CCDC62: variants seen among roughly 807,000 people sequenced by gnomAD.
CCDC62 encodes the protein coiled-coil domain-containing protein 62.
Under a neutral mutation model 80.8 loss-of-function variants are expected in CCDC62, and 72 were observed. The ratio of observed to expected loss-of-function variants is 0.89; its 90% CI spans 0.74 to 1.08. The LOEUF (loss-of-function observed/expected upper bound fraction) is 1.08. Among genes scored for constraint, CCDC62 ranks in the 50% least tolerant of loss-of-function variants. The pLI is 0.00. For synonymous variants in CCDC62, 286 were observed against 296.5 expected (o/e 0.96, Z 0.36); for missense variants, 704 against 809.4 (o/e 0.87, Z 1.58).
At chr12:122,822,638 ATC>A (rs2032461063) in intron 11 of CCDC62, among the ~76,000 whole-genome samples, 1 of 119,034 alleles carries the variant, frequency 8.4e-6, no homozygotes, top group African/African-American at 3.8e-5. Flanking sequence ...CAGTGGTGCG[ATC>A]TTGGCTCACT....
At chr12:122,789,298 G>A (rs1467952842) in intron 5 of CCDC62, among the ~76,000 whole-genome samples, 3 of 152,194 alleles carry the variant, frequency 2.0e-5, no homozygotes, top group Admixed American at 1.3e-4. Context: ...GCTGACTGTG[G>A]TTGGGCCTCA....
intron 9 of CCDC62, among the ~76,000 whole-genome samples, chr12:122,803,887 A>T (rs1381172194): frequency 6.6e-6 from 1 of 152,180 alleles, no homozygotes; most frequent in Non-Finnish European, 1.5e-5. Context: ...AATTTAACGT[A>T]TGAAATAAGT....
At chr12:122,812,652 G>A (rs2031946481) in intron 10 of CCDC62, among the ~76,000 whole-genome samples, 1 of 93,348 alleles carries the variant, frequency 1.1e-5, no homozygotes, top group African/African-American at 3.4e-5. Context: ...GCTGAGGTGG[G>A]TGGAGCTTGA....
At chr12:122,783,259 G>A (rs1168049833) in intron 3 of CCDC62, among the ~76,000 whole-genome samples, 17 of 138,162 alleles carry the variant, frequency 1.2e-4, no homozygotes, top group South Asian at 2.3e-4. Flanking sequence ...ACGGAGTCTC[G>A]TTCTGTCGCC....
At chr12:122,805,587 T>A (rs937230230) in intron 9 of CCDC62, among the ~76,000 whole-genome samples, 1 of 138,088 alleles carries the variant, frequency 7.2e-6, no homozygotes, top group African/African-American at 2.7e-5. Context: ...CGATCTCAGC[T>A]CCCTGCAAGC....
At chr12:122,823,031 G>C (rs1291425297) in intron 11 of CCDC62, among the ~76,000 whole-genome samples, 1 of 152,092 alleles carries the variant, frequency 6.6e-6, no homozygotes, top group Non-Finnish European at 1.5e-5. Context: ...CGTGATCTTG[G>C]CTTACTGCAA....
chr12:122,812,815 G>GA (rs1345342275), intron 10 of CCDC62, among the ~76,000 whole-genome samples: 2 of 148,582 alleles, frequency 1.3e-5, no homozygotes, highest in East Asian at 2.0e-4. Context: ...AAGAAAGAAA[G>GA]AAAGAAAGAA....
At chr12:122,816,746 G>A (rs1032583200) in intron 11 of CCDC62, among the ~76,000 whole-genome samples, 11 of 151,968 alleles carry the variant, frequency 7.2e-5, no homozygotes, top group Non-Finnish European at 1.3e-4. Flanking sequence ...AAGAGAGACA[G>A]AATTCACATT....
At position 122,806,267 on chromosome 12, in the gene CCDC62, A is replaced by G. The variant is rs1182759390; in HGVS notation, c.1823A>G (p.Tyr608Cys). Residue 608 changes from tyrosine to cysteine, a missense_variant, in exon 10 of 13, where the codon TAC becomes TGC. Physicochemically the swap from Tyr to Cys is radical, Grantham distance 194. Transcript: ENST00000253079. ...KKNSPTSLLI[Y>C]KDAPAFNEKA... ...AACTCACCTACGAGTTTGTTAATCT[A>G]CAAAGATGCACCAGCATTCAATGAA... 7 of 1,612,404 alleles carry G rather than the reference A, an allele frequency of 4.3e-6. No homozygotes were observed. Among genetic ancestry groups the G allele is most frequent in the Non-Finnish European group, 5.9e-6 (7 of 1,178,934 alleles).
In CCDC62 at chr12:122,801,696, A is replaced by C; in HGVS notation, c.1550A>C (p.His517Pro). 6.2e-7 allele frequency: 1 copy of C among 1,614,162 alleles called. No individual in the cohort carries two copies. The highest frequency in any genetic ancestry group is 1.6e-4 in the Middle Eastern group (1 of 6,062). ...ESGMCDSKCC[H>P]PSNFIIEAPG... Reference sequence around the variant, plus strand: ...GGCATGTGTGACTCCAAGTGCTGCCACCCGAGTAACTTCATAATTGAAGCC... The same window carrying C: ...GGCATGTGTGACTCCAAGTGCTGCCCCCCGAGTAACTTCATAATTGAAGCC... Residue 517 changes from histidine to proline, a missense_variant, in exon 9 of 13, where the codon CAC (histidine) becomes CCC (proline). His to Pro is a moderately conservative substitution (Grantham distance 77). Transcript: ENST00000253079.
chr12:122,784,965 CCT>C (rs2030121097), intron 3 of CCDC62, among the ~76,000 whole-genome samples: 2 of 152,160 alleles, frequency 1.3e-5, no homozygotes, highest in Non-Finnish European at 2.9e-5. Flanking sequence ...GTGGCGAAAC[CCT>C]GTTTCTACTA....
At chr12:122,819,747 A>G (rs1229345869) in intron 11 of CCDC62, among the ~76,000 whole-genome samples, 2 of 152,082 alleles carry the variant, frequency 1.3e-5, no homozygotes, top group Non-Finnish European at 2.9e-5. Flanking sequence ...GAAGGTTCAT[A>G]TGGCATTCCA....
At chr12:122,818,276 C>A (rs940694619) in intron 11 of CCDC62, among the ~76,000 whole-genome samples, 27 of 152,042 alleles carry the variant, frequency 1.8e-4, no homozygotes, top group African/African-American at 6.3e-4. Context: ...CACGGTGAAA[C>A]CCCATCTCCA....
At chr12:122,799,050 A>C (rs2031136898) in intron 8 of CCDC62, among the ~76,000 whole-genome samples, 1 of 152,202 alleles carries the variant, frequency 6.6e-6, no homozygotes, top group African/African-American at 2.4e-5. Flanking sequence ...ACTGCACTTC[A>C]GCCTGGGTGA....
chr12:122,775,371 C>T (rs1190694395), intron 1 of CCDC62, among the ~76,000 whole-genome samples: 1 of 152,166 alleles, frequency 6.6e-6, no homozygotes, highest in Non-Finnish European at 1.5e-5. Context: ...CCAAGGTTCG[C>T]GTCCATCAGT....
At chr12:122,782,632 A>G (rs1159430851) in intron 3 of CCDC62, among the ~76,000 whole-genome samples, 1 of 151,804 alleles carries the variant, frequency 6.6e-6, no homozygotes, top group Non-Finnish European at 1.5e-5. Context: ...CTAATTTTGT[A>G]TTTTTAGTAG....
intron 4 of CCDC62, among the ~76,000 whole-genome samples, chr12:122,787,420 C>T (rs1167770408): frequency 6.7e-6 from 1 of 149,124 alleles, no homozygotes; most frequent in African/African-American, 2.5e-5. Context: ...CACTGCACTC[C>T]AGCTTGGGCG....
intron 9 of CCDC62, 25 bp downstream of exon 9, chr12:122,801,877 C>T: frequency 6.2e-7 from 1 of 1,603,614 alleles, no homozygotes; most frequent in South Asian, 1.1e-5. Flanking sequence ...CATCTGTAAA[C>T]ACCCACGGAG....
Position 122,781,399 on chromosome 12 carries a change from G to A in CCDC62, c.396+69G>A, listed in dbSNP as rs116426080. ...TTGTGTTTCAGTTATTGAAAAATTA[G>A]ATTTGACCGGGCACGGTGGCTCACT... On this transcript the variant is annotated intron_variant, in intron 3 of 12. Transcript: ENST00000253079. The A allele has an allele frequency of 1.8e-3, 2,765 of 1,509,464 alleles. 37 individuals carry two copies. The African/African-American group carries it at 0.028, about 15-fold the overall frequency. 93.5% of individuals were successfully genotyped at this position (1,509,464 alleles called of 1,614,324 possible).
Sources: allele counts gnomAD v4.1 joint callset (sites outside exome capture counted in the v4.1 genomes callset), GRCh38; gene constraint gnomAD v4.1.1; transcripts MANE v1.5; gene names NCBI Gene and HGNC (gene_info 2026-07-23, HGNC 2026-07-21).